The following ARHGEF19 variants were observed in gnomAD, a reference collection of about 807,000 sequenced individuals.
ARHGEF19 encodes Rho guanine nucleotide exchange factor (GEF) 19.
Under a neutral mutation model 87.6 loss-of-function variants are expected in ARHGEF19, and 92 were observed. The observed-to-expected ratio is 1.05, with a 90% CI of 0.89 to 1.25. ARHGEF19 has a LOEUF of 1.25. Among genes scored for constraint, ARHGEF19 ranks in the 50% most tolerant of loss-of-function variants. The pLI, the probability that ARHGEF19 is intolerant of heterozygous loss-of-function variation, is 0.00. For missense variants in ARHGEF19, 1,054 were observed against 1,051.8 expected (o/e 1.00, Z -0.03); for synonymous variants, 438 against 446.2 (o/e 0.98, Z 0.23).
chr1:16,208,605 C>T, intron 2 of ARHGEF19, 38 bp downstream of exon 2: 1 of 1,558,696 alleles, frequency 6.4e-7, no homozygotes, highest in Non-Finnish European at 8.6e-7. Flanking sequence ...TATCCCCCTG[C>T]CATGGCACCC....
chr1:16,198,302 A>G lies in ARHGEF19; in HGVS notation c.*285T>C, dbSNP rs907722886. 1 of 296,692 alleles carries G rather than the reference A, an allele frequency of 3.4e-6. No individual in the cohort carries two copies. The highest frequency in any genetic ancestry group is 6.2e-6 in the Non-Finnish European group (1 of 161,616). 18.4% of individuals were successfully genotyped at this position (296,692 alleles called of 1,614,324 possible). A position where few individuals can be genotyped will look rare whatever the true frequency, so the allele number is the denominator to read the frequency against. On this transcript the variant is annotated 3_prime_UTR_variant, in exon 16 of 16. Transcript: ENST00000270747. This position sits in a 1 kb window ranked among gnomAD's most constrained non-coding sequence, Gnocchi z 4.1. The stretch of plus-strand genomic sequence containing the variant: ...GTCAGGCAGGATTGAGGACATAGAA[A>G]GGAGAGGGCCCCAGTCTTTGCCAGG...
In ARHGEF19 at chr1:16,198,911, C is replaced by A. The variant is rs1320151961; in HGVS notation, c.2252-167G>T. On this transcript the variant is annotated intron_variant, in intron 15 of 15. Transcript: ENST00000270747. This position sits in a 1 kb window ranked among gnomAD's most constrained non-coding sequence, Gnocchi z 4.1. The stretch of plus-strand genomic sequence containing the variant: ...AAGGACCCTGTCTTGAGCTGTCTTG[C>A]AGATGAACTTCTGACCTGTTTTTCC... Among the ~76,000 whole-genome samples the A allele has an allele frequency of 2.6e-5, 4 of 152,150 alleles. No homozygotes were observed. Among genetic ancestry groups the A allele is most frequent in the African/African-American group, 4.8e-5 (2 of 41,420 alleles).
rs763800522 is a variant in ARHGEF19, at chr1:16,207,964, C to T, written c.674G>A (p.Gly225Asp). 1 of 1,607,822 alleles carries T rather than the reference C, an allele frequency of 6.2e-7. No individual in the cohort carries two copies. The highest frequency in any genetic ancestry group is 2.2e-5 in the East Asian group (1 of 44,554). The change falls in exon 3 of 16, where the codon GGC (glycine) becomes GAC (aspartate). Residue 225 changes from glycine to aspartate, a missense_variant. Physicochemically the swap from Gly to Asp is moderately conservative, Grantham distance 94. Coordinates refer to ENST00000270747, the MANE Select transcript of ARHGEF19 (RefSeq NM_153213.5). This position sits in a 1 kb window ranked among gnomAD's most constrained non-coding sequence, Gnocchi z 4.0. The stretch of plus-strand genomic sequence containing the variant: ...GGTACCTTCCCGGGCTGCTCCGGTG[C>T]CTGACCCAGAGATGAGTGCCCGGGC... The part of the protein sequence containing the change: ...SAARALISGS[G>D]TGAAREGKAS...
At chr1:16,208,523 A>G in intron 2 of ARHGEF19, 120 bp downstream of exon 2, 2 of 1,320,972 alleles carry the variant, frequency 1.5e-6, no homozygotes, top group Non-Finnish European at 2.0e-6. Flanking sequence ...CCTTATCACT[A>G]ATCTACCACT....
At position 16,206,156 on chromosome 1, in the gene ARHGEF19, G is replaced by A; in HGVS notation, c.1298+24C>T. ...AACCACTGGCTCCGTCCCCACCCCG[G>A]GCCAGGCCAGACCACTTCTTCACCT... On this transcript the variant is annotated intron_variant, in intron 7 of 15. Transcript: ENST00000270747. This position sits in a 1 kb window ranked among gnomAD's most constrained non-coding sequence, Gnocchi z 4.6. The A allele has an allele frequency of 1.3e-5, 20 of 1,588,412 alleles. No individual in the cohort carries two copies. The highest frequency in any genetic ancestry group is 1.7e-5 in the Non-Finnish European group (20 of 1,165,754).
In ARHGEF19 at chr1:16,212,555, C is replaced by G. The variant is rs2081206378; in HGVS notation, c.-83G>C. ...AGCACGGTCCAGGGCTCCGGGACACCCTGGGGGCTCTGGGGTTGCAGCCAA... is the reference window on the plus strand; with the variant it reads ...AGCACGGTCCAGGGCTCCGGGACACGCTGGGGGCTCTGGGGTTGCAGCCAA... On this transcript the variant is annotated 5_prime_UTR_variant, in exon 1 of 16. Coordinates refer to ENST00000270747, the MANE Select transcript of ARHGEF19 (RefSeq NM_153213.5). The G allele has an allele frequency of 1.3e-5, 2 of 152,558 alleles. No individual in the cohort carries two copies. The highest frequency in any genetic ancestry group is 4.8e-5 in the African/African-American group (2 of 41,450). 9.5% of individuals were successfully genotyped at this position (152,558 alleles called of 1,614,324 possible).
At chr1:16,208,531 A>G (rs889961114) in intron 2 of ARHGEF19, 112 bp downstream of exon 2, 1 of 1,360,420 alleles carries the variant, frequency 7.4e-7, no homozygotes, top group African/African-American at 1.5e-5. Flanking sequence ...CTAATCTACC[A>G]CTTGTCCTGA....
chr1:16,208,269 C>T, intron 2 of ARHGEF19, 44 bp from the exon 3 acceptor site: 1 of 1,586,084 alleles, frequency 6.3e-7, no homozygotes, highest in Admixed American at 1.7e-5. Flanking sequence ...TGGGGTCTCC[C>T]CCAACCTCCT....
In ARHGEF19 at chr1:16,201,902, G is replaced by A. The variant is rs749324899; in HGVS notation, c.2067-41C>T. ...GCTAAGTTGTCACAATATGCAAAGTGCAGTTGCCCAGGGCAGGGTGCTGAA... is the reference window on the plus strand; with the variant it reads ...GCTAAGTTGTCACAATATGCAAAGTACAGTTGCCCAGGGCAGGGTGCTGAA... On this transcript the variant is annotated intron_variant, in intron 13 of 15. Coordinates refer to ENST00000270747, the MANE Select transcript of ARHGEF19 (RefSeq NM_153213.5). 3.1e-6 allele frequency: 5 copies of A among 1,602,852 alleles called. No homozygotes were observed. The South Asian group carries it at 4.5e-5, about 14-fold the overall frequency.
rs781407343 is a variant in ARHGEF19, at chr1:16,207,549, G to A, written c.847C>T (p.Arg283Trp). 8.1e-6 allele frequency: 13 copies of A among 1,613,798 alleles called. No individual in the cohort carries two copies. The South Asian group carries it at 1.3e-4, about 16-fold the overall frequency. The change falls in exon 5 of 16, where the codon CGG becomes TGG. Residue 283 changes from arginine to tryptophan, a missense_variant. Transcript: ENST00000270747. This position sits in a 1 kb window ranked among gnomAD's most constrained non-coding sequence, Gnocchi z 4.0. ...PPLGSRSTNE[R>W]RQSRFLLNSV... Reference sequence around the variant, plus strand: ...TTAAGGAGGAATCGAGACTGGCGCCGCTCGTTGGTGCTCCTGGACCCCAAA... The same window carrying A: ...TTAAGGAGGAATCGAGACTGGCGCCACTCGTTGGTGCTCCTGGACCCCAAA...
At chr1:16,210,728 C>T (rs917727174) in intron 1 of ARHGEF19, among the ~76,000 whole-genome samples, 1 of 152,202 alleles carries the variant, frequency 6.6e-6, no homozygotes, top group Admixed American at 6.5e-5. Context: ...GAGGAACCAT[C>T]AGAGGAGGGT....
At chr1:16,200,216 C>G (rs2081072334) in intron 14 of ARHGEF19, among the ~76,000 whole-genome samples, 1 of 152,232 alleles carries the variant, frequency 6.6e-6, no homozygotes, top group Non-Finnish European at 1.5e-5. Flanking sequence ...TCGCTTGAAT[C>G]CCAGTTCTGC....
chr1:16,207,648 GA>G lies in ARHGEF19; in HGVS notation c.797+26del. 1 of 1,614,048 alleles carries G rather than the reference GA, an allele frequency of 6.2e-7. No individual in the cohort carries two copies. The highest frequency in any genetic ancestry group is 1.7e-5 in the Admixed American group (1 of 60,030). ...CCTAGTTCGCCTGCACCCTGTCTCGGACCCAAGCCCAAACGGGAGGTGGTAC... is the reference window on the plus strand; with the variant it reads ...CCTAGTTCGCCTGCACCCTGTCTCGGCCCAAGCCCAAACGGGAGGTGGTAC... On this transcript the variant is annotated intron_variant, in intron 4 of 15. Coordinates refer to ENST00000270747, the MANE Select transcript of ARHGEF19 (RefSeq NM_153213.5). This position sits in a 1 kb window ranked among gnomAD's most constrained non-coding sequence, Gnocchi z 4.0.
chr1:16,202,048 C>T (rs1557538360), intron 13 of ARHGEF19, among the ~76,000 whole-genome samples, 187 bp from the exon 14 acceptor site: 1 of 148,630 alleles, frequency 6.7e-6, no homozygotes, highest in Non-Finnish European at 1.5e-5. Flanking sequence ...TGTGCCCCAC[C>T]CAGCTCTGAG....
At chr1:16,203,323 C>T (rs221042) in intron 12 of ARHGEF19, among the ~76,000 whole-genome samples, 36,947 of 152,022 alleles carry the variant, frequency 0.24, 4,828 homozygotes, top group South Asian at 0.39. Flanking sequence ...CAAGAGGAAA[C>T]TCAGACGTCA....
Position 16,205,258 on chromosome 1 carries a change from G to T in ARHGEF19, c.1657-82C>A. ...AGCCTCAGACTCTTGCCTGGGGACC[G>T]GAGACTCTGACAGCTGGGGGCTGTT... is the stretch of plus-strand genomic sequence containing the variant. On this transcript the variant is annotated intron_variant, in intron 10 of 15. Coordinates refer to ENST00000270747, the MANE Select transcript of ARHGEF19 (RefSeq NM_153213.5). The surrounding 1 kb of genome is among the most constrained non-coding windows in gnomAD (Gnocchi z 5.8). 1 of 1,602,336 alleles carries T rather than the reference G, an allele frequency of 6.2e-7. No individual in the cohort carries two copies. Among genetic ancestry groups the T allele is most frequent in the Non-Finnish European group, 8.5e-7 (1 of 1,172,356 alleles).
rs2081091873 is a variant in ARHGEF19, at chr1:16,202,480, A to G, written c.2002T>C (p.Phe668Leu). 2 of 1,613,986 alleles carry G rather than the reference A, an allele frequency of 1.2e-6. No individual in the cohort carries two copies. The highest frequency in any genetic ancestry group is 3.3e-5 in the Admixed American group (2 of 60,008). Residue 668 changes from phenylalanine (F) to leucine (L), a missense_variant, in exon 13 of 16, where the codon TTC becomes CTC. Coordinates refer to ENST00000270747, the MANE Select transcript of ARHGEF19 (RefSeq NM_153213.5). ...TGCCCGTGGAGGAGCTGGAGGAGGA[A>G]CACGTGGCCGGGGATGCCCTGCAGC... The part of the protein sequence containing the change: ...LKLQGIPGHV[F>L]LLQLLHGQHM...
At position 16,207,773 on chromosome 1, in the gene ARHGEF19, T is replaced by C. The variant is rs774887990; in HGVS notation, c.699A>G (p.Lys233=). The C allele has an allele frequency of 9.9e-6, 16 of 1,613,694 alleles. No individual in the cohort carries two copies. Among genetic ancestry groups the C allele is most frequent in the East Asian group, 2.2e-5 (1 of 44,878 alleles). ...GSGTGAAREG[K]ASGMEARSVE... ...CACTTCGAGCCTCCATTCCAGATGCTTTCCCTGGAGAGGGCGAGAACTGAG... is the reference window on the plus strand; with the variant it reads ...CACTTCGAGCCTCCATTCCAGATGCCTTCCCTGGAGAGGGCGAGAACTGAG... The change falls in exon 4 of 16, where the codon AAA becomes AAG. Residue 233 remains lysine, a synonymous_variant. Transcript: ENST00000270747. The surrounding 1 kb of genome is among the most constrained non-coding windows in gnomAD (Gnocchi z 4.0).
At chr1:16,200,118 A>T (rs2081071892) in intron 14 of ARHGEF19, among the ~76,000 whole-genome samples, 1 of 152,210 alleles carries the variant, frequency 6.6e-6, no homozygotes, top group African/African-American at 2.4e-5. Context: ...CTCAAGCCAG[A>T]GCATCTACCC....
Sources: allele counts gnomAD v4.1 joint callset (sites outside exome capture counted in the v4.1 genomes callset), GRCh38; gene constraint gnomAD v4.1.1; non-coding constraint Gnocchi (gnomAD v3.1); transcripts MANE v1.5; gene names NCBI Gene and HGNC (gene_info 2026-07-23, HGNC 2026-07-21).